The following ZNF487 variants were observed in gnomAD, a reference collection of about 807,000 sequenced individuals.
The protein encoded by ZNF487 is KRAB domain only 1.
Under a neutral mutation model 3.0 loss-of-function variants are expected in ZNF487, and 4 were observed. The ratio of observed to expected loss-of-function variants is 1.35; its 90% CI spans 0.66 to 3.08. ZNF487 has a LOEUF of 3.08. ZNF487 is among the 30% of genes most tolerant of loss of function. The pLI, the probability that ZNF487 is intolerant of heterozygous loss-of-function variation, is 0.01. For missense variants in ZNF487, 146 were observed against 98.7 expected, an observed-to-expected ratio of 1.48 and a Z score of -2.03; for synonymous variants, 55 against 34.6, an observed-to-expected ratio of 1.59 and a Z score of -2.06.
rs1841422852 is a variant in ZNF487, at chr10:43,482,998, A to G, written c.*1076A>G. The G allele has an allele frequency of 8.1e-6, 4 of 496,406 alleles. No individual in the cohort carries two copies. The highest frequency in any genetic ancestry group is 2.9e-5 in the South Asian group (2 of 68,102). The allele number at this position is 496,406 out of a possible 1,614,324, so 30.8% of individuals were successfully genotyped here. A position where few individuals can be genotyped will look rare whatever the true frequency, so the allele number is the denominator to read the frequency against. ...AGAACACACACAAGGGAGCAACCCT[A>G]TGAATATAATGAAAGCTTTTACCAG... On this transcript the variant is annotated 3_prime_UTR_variant, in exon 4 of 4. Transcript: ENST00000437590.
At chr10:43,458,262 T>A (rs2132082260) in intron 1 of ZNF487, 1 of 152,256 alleles carries the variant, frequency 6.6e-6, no homozygotes, top group East Asian at 1.9e-4. Context: ...TTCGTACATT[T>A]TAGGGAGACA....
At chr10:43,522,989 G>A in the ZNF487 span, among the ~76,000 whole-genome samples, 2 of 152,084 alleles carry the variant, frequency 1.3e-5, no homozygotes, top group South Asian at 4.1e-4. Context: ...TGCTGTATTT[G>A]TTTATTCCAC....
chr10:43,478,861 C>G (rs967546895), intron 3 of ZNF487, among the ~76,000 whole-genome samples: 1 of 149,118 alleles, frequency 6.7e-6, no homozygotes. Flanking sequence ...TCAGTGGACC[C>G]AAATTTAGCT....
the ZNF487 span, among the ~76,000 whole-genome samples, chr10:43,517,920 C>T: frequency 3.9e-5 from 6 of 152,292 alleles, no homozygotes; most frequent in African/African-American, 1.2e-4. Flanking sequence ...TGCTGGAGCT[C>T]GGTGGAATGT....
chr10:43,454,905 TC>T (rs1840121279), intron 1 of ZNF487, among the ~76,000 whole-genome samples: 1 of 104,328 alleles, frequency 9.6e-6, no homozygotes, highest in Admixed American at 1.4e-4. Context: ...GCCACTACAC[TC>T]CAGCCTGGGC....
chr10:43,473,605 G>A (rs543338502), intron 1 of ZNF487, among the ~76,000 whole-genome samples: 41 of 151,706 alleles, frequency 2.7e-4, no homozygotes, highest in African/African-American at 8.0e-4. Context: ...TGCAAGCTCC[G>A]CCTCCCGGGT....
the ZNF487 span, among the ~76,000 whole-genome samples, chr10:43,499,815 A>G: frequency 6.6e-6 from 1 of 151,990 alleles, no homozygotes; most frequent in South Asian, 2.1e-4. Flanking sequence ...CTGAGTATAT[A>G]GCAAGTTGGC....
the ZNF487 span, among the ~76,000 whole-genome samples, chr10:43,499,405 T>G: frequency 1.8e-4 from 28 of 151,890 alleles, no homozygotes; most frequent in Non-Finnish European, 3.1e-4. Context: ...ATTTTGAGGG[T>G]TTTTTTTGTT....
chr10:43,513,482 G>A, the ZNF487 span, among the ~76,000 whole-genome samples: 2 of 152,340 alleles, frequency 1.3e-5, no homozygotes, highest in Middle Eastern at 3.4e-3. Context: ...CTAAATGGGA[G>A]AGCTGAATGG....
chr10:43,465,070 G>A (rs1296053943), intron 1 of ZNF487, among the ~76,000 whole-genome samples: 15 of 131,780 alleles, frequency 1.1e-4, no homozygotes, highest in African/African-American at 3.5e-4. Flanking sequence ...CCTCCCTCCC[G>A]GGGCGGCTGG....
At chr10:43,470,993 T>G (rs1840886921) in intron 1 of ZNF487, among the ~76,000 whole-genome samples, 1 of 152,110 alleles carries the variant, frequency 6.6e-6, no homozygotes, top group Non-Finnish European at 1.5e-5. Context: ...ACACTAATTT[T>G]TGTATTTTTT....
At chr10:43,447,250 A>C (rs1370061971) in intron 1 of ZNF487, among the ~76,000 whole-genome samples, 1 of 149,182 alleles carries the variant, frequency 6.7e-6, no homozygotes, top group Non-Finnish European at 1.5e-5. Context: ...GGAGAACAAC[A>C]TTTTTTTTTT....
At chr10:43,461,829 C>T (rs1840441621) in intron 1 of ZNF487, among the ~76,000 whole-genome samples, 1 of 151,996 alleles carries the variant, frequency 6.6e-6, no homozygotes, top group African/African-American at 2.4e-5. Context: ...GGGAAATTAT[C>T]CTTTAGAACT....
At chr10:43,510,760 C>A in the ZNF487 span, among the ~76,000 whole-genome samples, 1 of 152,186 alleles carries the variant, frequency 6.6e-6, no homozygotes, top group Non-Finnish European at 1.5e-5. Flanking sequence ...GTTGGTCAGG[C>A]TGGTCTCAAA....
chr10:43,500,575 C>A, the ZNF487 span, among the ~76,000 whole-genome samples: 1 of 152,102 alleles, frequency 6.6e-6, no homozygotes, highest in Non-Finnish European at 1.5e-5. Flanking sequence ...AATCTCAGCT[C>A]ACCGCAACCT....
chr10:43,472,585 C>A (rs941542341), intron 1 of ZNF487, among the ~76,000 whole-genome samples: 3 of 152,078 alleles, frequency 2.0e-5, no homozygotes, highest in Non-Finnish European at 4.4e-5. Flanking sequence ...GGTTGCTAAG[C>A]GCCAATCCTC....
chr10:43,456,100 A>G (rs549421818), intron 1 of ZNF487, among the ~76,000 whole-genome samples: 1 of 152,092 alleles, frequency 6.6e-6, no homozygotes, highest in Non-Finnish European at 1.5e-5. Context: ...TTCATAATGG[A>G]GGGCTGCGGG....
At chr10:43,443,073 T>TC (rs1377861991) in intron 1 of ZNF487, among the ~76,000 whole-genome samples, 2 of 150,218 alleles carry the variant, frequency 1.3e-5, no homozygotes, top group Non-Finnish European at 3.0e-5. Context: ...TTTTTTTTTT[T>TC]TTTTTTGAGA....
downstream of ZNF487, among the ~76,000 whole-genome samples, chr10:43,483,484 C>T (rs1175506721): frequency 1.1e-4 from 16 of 151,550 alleles, no homozygotes. Context: ...AGGTGTCCAC[C>T]CGCCTTGGCC....
Sources: allele counts gnomAD v4.1 joint callset (sites outside exome capture counted in the v4.1 genomes callset), GRCh38; gene constraint gnomAD v4.1.1; transcripts MANE v1.5; gene names NCBI Gene and HGNC (gene_info 2026-07-23, HGNC 2026-07-21).